Variants in AGPAT4 observed in about 807,000 individuals in gnomAD.
AGPAT4 encodes 1-acyl-sn-glycerol-3-phosphate acyltransferase delta.
AGPAT4 carries 15 observed loss-of-function variants against 48.0 expected under a neutral mutation model. The ratio of observed to expected loss-of-function variants is 0.31; its 90% confidence interval spans 0.21 to 0.48. AGPAT4 has a LOEUF of 0.48. Ranked by LOEUF, AGPAT4 falls within the 20% of genes least tolerant of loss-of-function variation. The pLI is 0.99. For missense variants in AGPAT4, 314 were observed against 482.5 expected (o/e 0.65, Z 3.27); for synonymous variants, 178 against 198.7 (o/e 0.90, Z 0.88).
In AGPAT4 at chr6:161,146,671, G is replaced by T; in HGVS notation, c.768-72C>A. ...ACAACATACAGTTTCCAGTAACGGT[G>T]CTGCCGTTTTTTGTTTTTATCTGGG... On this transcript the variant is annotated intron_variant, in intron 6 of 8. Coordinates refer to ENST00000320285, the MANE Select transcript of AGPAT4 (RefSeq NM_020133.3). The surrounding 1 kb of genome is among the most constrained non-coding windows in gnomAD (Gnocchi z 7.1). The T allele has an allele frequency of 6.8e-7, 1 of 1,465,736 alleles. No homozygotes were observed. Among genetic ancestry groups the T allele is most frequent in the Non-Finnish European group, 9.5e-7 (1 of 1,051,194 alleles). The allele number at this position is 1,465,736 out of a possible 1,614,324, so 90.8% of individuals were successfully genotyped here.
Position 161,165,737 on chromosome 6 carries a change from G to A in AGPAT4, c.348+511C>T. On this transcript the variant is annotated intron_variant, in intron 3 of 8. Transcript: ENST00000320285. This position sits in a 1 kb window ranked among gnomAD's most constrained non-coding sequence, Gnocchi z 5.5. ...AACTAGTTGGGAAAAAAAAAAAACAGAATTTCAGAATAATTCTGAATTTTG... is the reference window on the plus strand; with the variant it reads ...AACTAGTTGGGAAAAAAAAAAAACAAAATTTCAGAATAATTCTGAATTTTG... 5.3e-6 allele frequency: 4 copies of A among 760,518 alleles called. No homozygotes were observed. Among genetic ancestry groups the A allele is most frequent in the Non-Finnish European group, 8.1e-6 (4 of 492,570 alleles). 47.1% of individuals were successfully genotyped at this position (760,518 alleles called of 1,614,324 possible). A position where few individuals can be genotyped will look rare whatever the true frequency, so the allele number is the denominator to read the frequency against.
intron 5 of AGPAT4, among the ~76,000 whole-genome samples, chr6:161,151,349 T>TGTTG (rs1583282901): frequency 6.6e-6 from 1 of 152,096 alleles, no homozygotes; most frequent in Non-Finnish European, 1.5e-5. Flanking sequence ...CCGAGACCGG[T>TGTTG]GTTGGCTGTT....
intron 2 of AGPAT4, among the ~76,000 whole-genome samples, chr6:161,187,560 G>C (rs1247510650): frequency 6.6e-6 from 1 of 150,548 alleles, no homozygotes; most frequent in African/African-American, 2.5e-5. Context: ...TTTAGAGACA[G>C]GGAGGGTCTC....
At position 161,175,669 on chromosome 6, in the gene AGPAT4, C is replaced by T. The variant is rs186603630; in HGVS notation, c.179-9252G>A. On this transcript the variant is annotated intron_variant, in intron 2 of 8. Transcript: ENST00000320285. ...TGCTGTGATCTTAGTTATTTCTTGT[C>T]TTCTGCTAGTTTTTGAATGTGTTTG... Among the ~76,000 whole-genome samples the T allele has an allele frequency of 2.6e-3, 391 of 152,138 alleles. 2 individuals carry two copies. Among genetic ancestry groups the T allele is most frequent in the African/African-American group, 9.0e-3 (374 of 41,476 alleles).
chr6:161,153,937 A>C (rs564780954), intron 4 of AGPAT4, among the ~76,000 whole-genome samples: 12 of 151,660 alleles, frequency 7.9e-5, no homozygotes, highest in Non-Finnish European at 1.8e-4. Context: ...CCCCATGGTC[A>C]TACACGGCCC....
chr6:161,153,880 G>T (rs780268296), intron 4 of AGPAT4, among the ~76,000 whole-genome samples: 4 of 146,140 alleles, frequency 2.7e-5, no homozygotes, highest in Non-Finnish European at 6.0e-5. Context: ...CGGCCCCATG[G>T]TCACACACAG....
intron 3 of AGPAT4, among the ~76,000 whole-genome samples, chr6:161,156,061 T>C (rs1404490061): frequency 3.3e-5 from 5 of 152,220 alleles, no homozygotes; most frequent in African/African-American, 1.2e-4. Flanking sequence ...TGCTGCTAAA[T>C]GGAAACGACA....
At chr6:161,176,329 G>T (rs1329223940) in intron 2 of AGPAT4, among the ~76,000 whole-genome samples, 2 of 152,184 alleles carry the variant, frequency 1.3e-5, no homozygotes, top group Non-Finnish European at 2.9e-5. Flanking sequence ...CCTGTATTGG[G>T]TGCATATATG....
rs555711145 is a variant in AGPAT4, at chr6:161,137,100, G to C, written c.1043-466C>G. On this transcript the variant is annotated intron_variant, in intron 8 of 8. Coordinates refer to ENST00000320285, the MANE Select transcript of AGPAT4 (RefSeq NM_020133.3). This position sits in a 1 kb window ranked among gnomAD's most constrained non-coding sequence, Gnocchi z 6.1. ...TTTCAGCACTGCTTTTGGTGCAAGC[G>C]TTAGAGCAGTGAGAAAATCCCCGCC... is the stretch of plus-strand genomic sequence containing the variant. 6.6e-6 allele frequency among the ~76,000 whole-genome samples: 1 copy of C among 152,204 alleles called. No individual in the cohort carries two copies. Among genetic ancestry groups the C allele is most frequent in the African/African-American group, 2.4e-5 (1 of 41,454 alleles).
At chr6:161,273,473 G>A (rs989836957) in intron 1 of AGPAT4, among the ~76,000 whole-genome samples, 8 of 152,196 alleles carry the variant, frequency 5.3e-5, no homozygotes, top group Non-Finnish European at 1.0e-4. Flanking sequence ...GCTGCATATT[G>A]TGTAGTATTT....
chr6:161,232,311 C>A lies in AGPAT4; in HGVS notation c.-89-9G>T. 8.3e-7 allele frequency: 1 copy of A among 1,204,986 alleles called. No individual in the cohort carries two copies. The highest frequency in any genetic ancestry group is 1.8e-5 in the South Asian group (1 of 56,578). The allele number at this position is 1,204,986 out of a possible 1,614,324, so 74.6% of individuals were successfully genotyped here. On this transcript the variant is annotated splice_polypyrimidine_tract_variant and intron_variant, in intron 1 of 8. Coordinates refer to ENST00000320285, the MANE Select transcript of AGPAT4 (RefSeq NM_020133.3). This position sits in a 1 kb window ranked among gnomAD's most constrained non-coding sequence, Gnocchi z 6.8. Reference sequence around the variant, plus strand: ...AGGACTCAGGAAGGCGTCTAAAACACAAACAAATAGGAAATGTTAGCAAAA... The same window carrying A: ...AGGACTCAGGAAGGCGTCTAAAACAAAAACAAATAGGAAATGTTAGCAAAA...
At chr6:161,185,837 A>G (rs992232154) in intron 2 of AGPAT4, among the ~76,000 whole-genome samples, 2 of 152,214 alleles carry the variant, frequency 1.3e-5, no homozygotes, top group South Asian at 2.1e-4. Flanking sequence ...GTTCATCCCT[A>G]AAATATAGAT....
rs1782281029 is a variant in AGPAT4 at position 161,236,537 on chromosome 6, A to T, written c.-89-4235T>A. 6.6e-6 allele frequency among the ~76,000 whole-genome samples: 1 copy of T among 152,124 alleles called. No individual in the cohort carries two copies. The highest frequency in any genetic ancestry group is 2.4e-5 in the African/African-American group (1 of 41,410). On this transcript the variant is annotated intron_variant, in intron 1 of 8. Coordinates refer to ENST00000320285, the MANE Select transcript of AGPAT4 (RefSeq NM_020133.3). The surrounding 1 kb of genome is among the most constrained non-coding windows in gnomAD (Gnocchi z 5.0). ...CTCTTTCAACAGGTTCACACAAAGA[A>T]ATCTGGCCACAGAGGCTGGCACGGT...
In AGPAT4 at chr6:161,238,732, C is replaced by A. The variant is rs1219232763; in HGVS notation, c.-89-6430G>T. Reference sequence around the variant, plus strand: ...ATCTCCACATGTCGTGGGAGGGAACCAGTGGGAGGTAACTGAATCATGGGA... The same window carrying A: ...ATCTCCACATGTCGTGGGAGGGAACAAGTGGGAGGTAACTGAATCATGGGA... On this transcript the variant is annotated intron_variant, in intron 1 of 8. Coordinates refer to ENST00000320285, the MANE Select transcript of AGPAT4 (RefSeq NM_020133.3). The surrounding 1 kb of genome is among the most constrained non-coding windows in gnomAD (Gnocchi z 5.2). Among the ~76,000 whole-genome samples, 1 of 152,120 alleles carries A rather than the reference C, an allele frequency of 6.6e-6. No homozygotes were observed. Among genetic ancestry groups the A allele is most frequent in the Non-Finnish European group, 1.5e-5 (1 of 68,022 alleles).
At chr6:161,250,581 T>C (rs1323907888) in intron 1 of AGPAT4, among the ~76,000 whole-genome samples, 1 of 151,194 alleles carries the variant, frequency 6.6e-6, no homozygotes, top group South Asian at 2.1e-4. Flanking sequence ...GGCACAAACC[T>C]TTTTTTTTCC....
chr6:161,224,727 C>T (rs1781926522), intron 2 of AGPAT4, among the ~76,000 whole-genome samples: 2 of 151,958 alleles, frequency 1.3e-5, no homozygotes, highest in African/African-American at 4.8e-5. Context: ...CCACTATTTC[C>T]CAAGTACCAA....
At chr6:161,183,207 C>G (rs530888616) in intron 2 of AGPAT4, among the ~76,000 whole-genome samples, 5 of 152,310 alleles carry the variant, frequency 3.3e-5, no homozygotes, top group Middle Eastern at 6.8e-3. Context: ...TTATCCACCA[C>G]GTGCTGATGT....
At chr6:161,205,629 C>T (rs953732895) in intron 2 of AGPAT4, among the ~76,000 whole-genome samples, 2 of 151,964 alleles carry the variant, frequency 1.3e-5, no homozygotes, top group African/African-American at 4.8e-5. Flanking sequence ...AGCAATCGCA[C>T]TTTCAGGGGG....
intron 2 of AGPAT4, among the ~76,000 whole-genome samples, chr6:161,213,865 G>A (rs763595207): frequency 6.6e-6 from 1 of 152,060 alleles, no homozygotes; most frequent in Non-Finnish European, 1.5e-5. Flanking sequence ...ACAAAACCTG[G>A]GAACAGAGAC....
Sources: gnomAD v4.1 joint callset for allele counts (sites outside exome capture counted in the v4.1 genomes callset) on GRCh38, gnomAD v4.1.1 for gene constraint, Gnocchi (gnomAD v3.1) non-coding constraint, MANE v1.5 for transcripts, NCBI Gene and HGNC (gene_info 2026-07-23, HGNC 2026-07-21) for gene names.